Variants in TBC1D17 observed in about 807,000 individuals in gnomAD.
The protein encoded by TBC1D17 is TBC1 domain family, member 17.
A neutral mutation model predicts 78.8 loss-of-function variants in TBC1D17; 69 were observed. The ratio of observed to expected loss-of-function variants is 0.88; its 90% CI spans 0.72 to 1.07. The LOEUF (loss-of-function observed/expected upper bound fraction) is 1.07. Ranked by LOEUF, TBC1D17 falls within the 50% of genes least tolerant of loss-of-function variation. The probability of loss-of-function intolerance (pLI) is 0.00; values close to 1 mark genes in which losing one functional copy is unlikely to be tolerated. For synonymous variants in TBC1D17, 456 were observed against 358.3 expected (o/e 1.27, Z -3.08); for missense variants, 957 against 861.0 (o/e 1.11, Z -1.39).
rs373956944 is a variant in TBC1D17, at chr19:49,880,274, C to T, written c.196-5C>T. ...CCTTACTGTCTGCTCCTTTCCTCTC[C>T]TAAGGACTCCAGTGGGGGTGACTCA... On this transcript the variant is annotated splice_region_variant and splice_polypyrimidine_tract_variant and intron_variant, in intron 3 of 16. Coordinates refer to ENST00000221543, the MANE Select transcript of TBC1D17 (RefSeq NM_024682.3). The T allele has an allele frequency of 6.2e-7, 1 of 1,614,002 alleles. No homozygotes were observed. The highest frequency in any genetic ancestry group is 8.5e-7 in the Non-Finnish European group (1 of 1,179,928).
chr19:49,881,901 T>TA, intron 5 of TBC1D17, 140 bp from the exon 6 acceptor site: 1 of 780,990 alleles, frequency 1.3e-6, no homozygotes, highest in South Asian at 1.6e-5. Flanking sequence ...GGGCCTCCTT[T>TA]AACAGCATTC....
Position 49,882,832 on chromosome 19 carries a change from C to T in TBC1D17, c.867C>T (p.His289=), listed in dbSNP as rs148390750. The T allele has an allele frequency of 3.0e-5, 49 of 1,611,022 alleles. No homozygotes were observed. The highest frequency in any genetic ancestry group is 1.6e-4 in the Middle Eastern group (1 of 6,072). The change falls in exon 8 of 17, where the codon CAC becomes CAT. Residue 289 remains histidine, a synonymous_variant. Transcript: ENST00000221543. ...TTACAGAGGAGGAGTGGGCACGCCA[C>T]GTGGGCCCTGAAGGTCGCCTGCAGC... is the stretch of plus-strand genomic sequence containing the variant. ...PPVTEEEWAR[H]VGPEGRLQQV...
In TBC1D17 at chr19:49,882,172, G is replaced by A. The variant is rs1273294902; in HGVS notation, c.639+20G>A. ...GTGTCAGTGAGTGTCCCCAGCAGGA[G>A]GCCTGGCGGGTGTGGGCAGGGAGGG... On this transcript the variant is annotated intron_variant, in intron 6 of 16. Transcript: ENST00000221543. The A allele has an allele frequency of 2.5e-6, 4 of 1,613,900 alleles. No homozygotes were observed. The highest frequency in any genetic ancestry group is 3.4e-6 in the Non-Finnish European group (4 of 1,179,966).
chr19:49,881,543 C>T, intron 5 of TBC1D17, 68 bp downstream of exon 5: 6 of 1,466,828 alleles, frequency 4.1e-6, no homozygotes, highest in African/African-American at 1.4e-5. Flanking sequence ...CGTGACCCCT[C>T]GGGGCTGTGA....
chr19:49,887,568 T>C lies in TBC1D17; in HGVS notation c.1537T>C (p.Trp513Arg). ...EFPFPDVLRL[W>R]EVLWTGLPGP... ...CCCCTTCCCGGATGTCCTTCGGCTG[T>C]GGGAGGTGGGCCAGCCAGTTTGGGC... is the stretch of plus-strand genomic sequence containing the variant. The change falls in exon 14 of 17, where the codon TGG (tryptophan) becomes CGG (arginine). Residue 513 changes from tryptophan (W) to arginine (R), a missense_variant. Physicochemically the swap from Trp to Arg is moderately radical, Grantham distance 101. Coordinates refer to ENST00000221543, the MANE Select transcript of TBC1D17 (RefSeq NM_024682.3). The C allele has an allele frequency of 6.2e-7, 1 of 1,614,068 alleles. No individual in the cohort carries two copies. The highest frequency in any genetic ancestry group is 1.1e-5 in the South Asian group (1 of 91,050).
chr19:49,888,030 G>A (rs2075076318), intron 15 of TBC1D17, 196 bp downstream of exon 15: 1 of 1,007,436 alleles, frequency 9.9e-7, no homozygotes, highest in East Asian at 2.6e-5. Flanking sequence ...CTCCGGGCAG[G>A]TGGGTGGGGA....
chr19:49,887,806 C>G lies in TBC1D17; in HGVS notation c.1631C>G (p.Ser544Cys). 1 of 1,611,300 alleles carries G rather than the reference C, an allele frequency of 6.2e-7. No homozygotes were observed. Among genetic ancestry groups the G allele is most frequent in the South Asian group, 1.1e-5 (1 of 90,562 alleles). The part of the protein sequence containing the change: ...LDMERDTLML[S>C]GFGSNEILKH... ...ATGGAGAGGGACACCCTCATGCTGT[C>G]CGGCTTCGGCTCCAATGAGATCCTC... The change falls in exon 15 of 17, where the codon TCC (serine) becomes TGC (cysteine). Residue 544 changes from serine (S) to cysteine (C), a missense_variant. Ser to Cys is a moderately radical substitution (Grantham distance 112). Transcript: ENST00000221543.
rs2122437788 is a variant in TBC1D17 at position 49,881,350 on chromosome 19, A to G, written c.402A>G (p.Pro134=). The G allele has an allele frequency of 6.2e-7, 1 of 1,613,370 alleles. No individual in the cohort carries two copies. Among genetic ancestry groups the G allele is most frequent in the South Asian group, 1.1e-5 (1 of 91,084 alleles). The change falls in exon 5 of 17, where the codon CCA becomes CCG. Residue 134 remains proline (P), a synonymous_variant. Transcript: ENST00000221543. ...TAAAGTCCATCCGCCGCTCCAAGCC[A>G]GGCCTCAGCTGGGCCTACCTGGTTC... ...GELKSIRRSK[P]GLSWAYLVLV... is the part of the protein sequence containing the mutation.
intron 14 of TBC1D17, 25 bp from the exon 15 acceptor site, chr19:49,887,693 C>G (rs1327688618): frequency 5.6e-6 from 9 of 1,611,470 alleles, no homozygotes; most frequent in Non-Finnish European, 7.6e-6. Context: ...TGACCTCCCT[C>G]CCTCCCTCTG....
At chr19:49,877,957 G>T (rs1436321240) in intron 1 of TBC1D17, 186 bp from the exon 2 acceptor site, 1 of 714,574 alleles carries the variant, frequency 1.4e-6, no homozygotes, top group South Asian at 1.9e-5. Flanking sequence ...CTTGAGCCCT[G>T]CCCCCTGTGG....
At position 49,882,297 on chromosome 19, in the gene TBC1D17, A is replaced by T; in HGVS notation, c.695A>T (p.Asn232Ile). 6.2e-7 allele frequency: 1 copy of T among 1,611,830 alleles called. No individual in the cohort carries two copies. Among genetic ancestry groups the T allele is most frequent in the Non-Finnish European group, 8.5e-7 (1 of 1,179,908 alleles). ...TTCAGCAGCTTCTCCCGAGTGACCA[A>T]CTTCTTCCGGGGTGCCCTGCAGCCA... is the stretch of plus-strand genomic sequence containing the variant. ...TTFSSFSRVT[N>I]FFRGALQPQP... Residue 232 changes from asparagine to isoleucine, a missense_variant, in exon 7 of 17, where the codon AAC becomes ATC. Coordinates refer to ENST00000221543, the MANE Select transcript of TBC1D17 (RefSeq NM_024682.3).
Position 49,888,431 on chromosome 19 carries a change from C to G in TBC1D17, c.1754C>G (p.Pro585Arg), listed in dbSNP as rs932470573. ...CTCATCCCGTGCCTCCAGGAGCTGC[C>G]CCACAACGTGCAGGAGATCCTGGGG... ...HRQLTACPEL[P>R]HNVQEILGLA... The change falls in exon 17 of 17, where the codon CCC (proline) becomes CGC (arginine). Residue 585 changes from proline (P) to arginine (R), a missense_variant. Physicochemically the swap from Pro to Arg is moderately radical, Grantham distance 103. Transcript: ENST00000221543. 7 of 1,600,544 alleles carry G rather than the reference C, an allele frequency of 4.4e-6. No individual in the cohort carries two copies. In the African/African-American group the frequency reaches 9.4e-5, roughly 21 times the overall value.
chr19:49,884,214 A>G (rs1381902831), intron 10 of TBC1D17, 39 bp from the exon 11 acceptor site: 2 of 1,582,544 alleles, frequency 1.3e-6, no homozygotes, highest in Non-Finnish European at 1.7e-6. Context: ...GGGCCCCCCT[A>G]CCTTTCTCAC....
intron 5 of TBC1D17, 73 bp from the exon 6 acceptor site, chr19:49,881,968 G>T (rs778130399): frequency 7.5e-7 from 1 of 1,341,040 alleles, no homozygotes; most frequent in Non-Finnish European, 1.1e-6. Context: ...AACCGATGTC[G>T]GCCGAGCACA....
In TBC1D17 at chr19:49,880,257, TCTGCTC is replaced by T. The variant is rs1258081615; in HGVS notation, c.196-19_196-14del. ...GATCTGAATCCATGGCCCCTTACTG[TCTGCTC>T]CTTTCCTCTCCTAAGGACTCCAGTG... On this transcript the variant is annotated splice_polypyrimidine_tract_variant and intron_variant, in intron 3 of 16. Coordinates refer to ENST00000221543, the MANE Select transcript of TBC1D17 (RefSeq NM_024682.3). 6.2e-7 allele frequency: 1 copy of T among 1,613,464 alleles called. No individual in the cohort carries two copies.
chr19:49,887,368 C>T (rs1196579940), intron 13 of TBC1D17, 108 bp from the exon 14 acceptor site: 1 of 1,164,062 alleles, frequency 8.6e-7, no homozygotes, highest in Non-Finnish European at 1.3e-6. Flanking sequence ...CCCAGCCAGG[C>T]ATAAGTCACT....
chr19:49,879,937 T>A (rs2122428390), intron 3 of TBC1D17, among the ~76,000 whole-genome samples: 1 of 148,842 alleles, frequency 6.7e-6, no homozygotes, highest in South Asian at 2.2e-4. Context: ...CACTGCAACC[T>A]CCGCCTCCCA....
At chr19:49,884,881 C>T (rs1403651943) in intron 13 of TBC1D17, 123 bp downstream of exon 13, 7 of 842,594 alleles carry the variant, frequency 8.3e-6, no homozygotes, top group Non-Finnish European at 1.3e-5. Flanking sequence ...AACATCCCCA[C>T]ACAACCTAGA....
rs2075019263 is a variant in TBC1D17 at position 49,882,056 on chromosome 19, C to A, written c.543C>A (p.Ser181=). 7 of 1,614,054 alleles carry A rather than the reference C, an allele frequency of 4.3e-6. No individual in the cohort carries two copies. The South Asian group carries it at 7.7e-5, about 18-fold the overall frequency. ...CGCCTCCCAGCTCCCCGCAGGACTC[C>A]CGCCTCTACCTTGTCTTCCCCCACG... is the stretch of plus-strand genomic sequence containing the variant. ...YLLLASSPQD[S]RLYLVFPHDS... Residue 181 remains serine, a synonymous_variant, in exon 6 of 17, where the codon TCC becomes TCA. Transcript: ENST00000221543.
Sources: gnomAD v4.1 joint callset for allele counts (sites outside exome capture counted in the v4.1 genomes callset) on GRCh38, gnomAD v4.1.1 for gene constraint, MANE v1.5 for transcripts, NCBI Gene and HGNC (gene_info 2026-07-23, HGNC 2026-07-21) for gene names.